Variants in ALYREF observed in about 807,000 individuals in gnomAD.
ALYREF encodes THO complex subunit 4.
Under a neutral mutation model 25.2 loss-of-function variants are expected in ALYREF, and 1 was observed. The ratio of observed to expected loss-of-function variants is 0.04; its 90% CI spans 0.01 to 0.19. The LOEUF (loss-of-function observed/expected upper bound fraction) is 0.19. Ranked by LOEUF, ALYREF falls within the 10% of genes least tolerant of loss-of-function variation. ALYREF has a pLI of 1.00. For missense variants in ALYREF, 328 were observed against 375.6 expected (o/e 0.87, Z 1.05); for synonymous variants, 193 against 153.5 (o/e 1.26, Z -1.90).
Position 81,888,960 on chromosome 17 carries a change from G to A in ALYREF, c.538+222C>T. 1 of 1,418,552 alleles carries A rather than the reference G, an allele frequency of 7.0e-7. No individual in the cohort carries two copies. The highest frequency in any genetic ancestry group is 9.2e-7 in the Non-Finnish European group (1 of 1,088,666). 87.9% of individuals were successfully genotyped at this position (1,418,552 alleles called of 1,614,324 possible). On this transcript the variant is annotated intron_variant, in intron 3 of 5. Transcript: ENST00000505490. The surrounding 1 kb of genome is among the most constrained non-coding windows in gnomAD (Gnocchi z 5.8). ...CTTCACAGAAGTGAATCTTCCGGAA[G>A]GAGCTGAAGGAGGGGAGGGATGTAG...
At chr17:81,891,246 C>G (rs2039521930) in intron 1 of ALYREF, 77 bp downstream of exon 1, 1 of 1,041,414 alleles carries the variant, frequency 9.6e-7, no homozygotes, top group Non-Finnish European at 1.2e-6. Flanking sequence ...CGGCCCGGGT[C>G]TCCGCCGCGA....
chr17:81,891,341 T>A lies in ALYREF; in HGVS notation c.240A>T (p.Arg80=). The A allele has an allele frequency of 8.6e-7, 1 of 1,158,318 alleles. No homozygotes were observed. 71.8% of individuals were successfully genotyped at this position (1,158,318 alleles called of 1,614,324 possible). A position where few individuals can be genotyped will look rare whatever the true frequency, so the allele number is the denominator to read the frequency against. ...RGAAGGGGRN[R]PAPYSRPKQL... is the part of the protein sequence containing the mutation. ...CACTCACCCTGCTGTAGGGCGCCGGTCGGTTCCTGCCGCCTCCGCCGGCCG... is the reference window on the plus strand; with the variant it reads ...CACTCACCCTGCTGTAGGGCGCCGGACGGTTCCTGCCGCCTCCGCCGGCCG... Residue 80 remains arginine, a synonymous_variant, in exon 1 of 6, where the codon CGA becomes CGT. Coordinates refer to ENST00000505490, the MANE Select transcript of ALYREF (RefSeq NM_005782.4).
intron 2 of ALYREF, chr17:81,889,716 C>CT (rs754337072): frequency 5.0e-6 from 1 of 198,814 alleles, no homozygotes; most frequent in African/African-American, 2.3e-5. Context: ...ATCAGACCAG[C>CT]TTGAAGGGCC....
chr17:81,888,647 C>G lies in ALYREF; in HGVS notation c.539-64G>C. On this transcript the variant is annotated intron_variant, in intron 3 of 5. Coordinates refer to ENST00000505490, the MANE Select transcript of ALYREF (RefSeq NM_005782.4). The surrounding 1 kb of genome is among the most constrained non-coding windows in gnomAD (Gnocchi z 5.8). ...GGCTCTGAAACCCACCCAGCTGGCG[C>G]CACACCCTGGTCTCCATGCAAACAC... 1.3e-6 allele frequency: 2 copies of G among 1,548,050 alleles called. No homozygotes were observed. Among genetic ancestry groups the G allele is most frequent in the Non-Finnish European group, 1.7e-6 (2 of 1,143,198 alleles).
At chr17:81,890,449 G>A (rs1025994433) in intron 2 of ALYREF, among the ~76,000 whole-genome samples, 3 of 152,160 alleles carry the variant, frequency 2.0e-5, no homozygotes, top group African/African-American at 4.8e-5. Flanking sequence ...GCCCTGGCAG[G>A]GGATTTTCAC....
Position 81,888,345 on chromosome 17 carries a change from T to C in ALYREF, c.676A>G (p.Thr226Ala), listed in dbSNP as rs745890069. 3 of 1,604,256 alleles carry C rather than the reference T, an allele frequency of 1.9e-6. No homozygotes were observed. Among genetic ancestry groups the C allele is most frequent in the East Asian group, 2.2e-5 (1 of 44,812 alleles). Residue 226 changes from threonine (T) to alanine (A), a missense_variant, in exon 5 of 6, where the codon ACC becomes GCC. Around this residue, in one of 3 missense-constraint regions of ALYREF, gnomAD observed 108 missense variants for 110.5 expected, o/e 0.98. Transcript: ENST00000505490. This position sits in a 1 kb window ranked among gnomAD's most constrained non-coding sequence, Gnocchi z 5.8. ...CCTCTTCCACGGGCGCCTCCGCGGG[T>C]GCCTCTCCGGGTGCCTCCACCACCA... Reference protein sequence around the residue: ...FGGGGGTRRGTRGGARGRGRG... With the variant: ...FGGGGGTRRGARGGARGRGRG...
At chr17:81,889,435 T>C in intron 2 of ALYREF, 106 bp from the exon 3 acceptor site, 2 of 1,327,352 alleles carry the variant, frequency 1.5e-6, no homozygotes, top group East Asian at 2.3e-5. Context: ...GGTGGTTCTC[T>C]GGGAGGCAGG....
rs1388416518 is a variant in ALYREF at position 81,891,389 on chromosome 17, G to A, written c.192C>T (p.Asn64=). The change falls in exon 1 of 6, where the codon AAC becomes AAT. Residue 64 remains asparagine, a synonymous_variant. Coordinates refer to ENST00000505490, the MANE Select transcript of ALYREF (RefSeq NM_005782.4). ...CCGCGCCGCGGGCGATGGCCGGCCGGTTCCGGATGGGCCCGCCGCCTCGAT... is the reference window on the plus strand; with the variant it reads ...CCGCGCCGCGGGCGATGGCCGGCCGATTCCGGATGGGCCCGCCGCCTCGAT... The part of the protein sequence containing the change: ...RVNRGGGPIR[N]RPAIARGAAG... 9.0e-6 allele frequency: 10 copies of A among 1,108,780 alleles called. No homozygotes were observed. The highest frequency in any genetic ancestry group is 1.1e-5 in the Non-Finnish European group (10 of 909,894). 68.7% of individuals were successfully genotyped at this position (1,108,780 alleles called of 1,614,324 possible). A position where few individuals can be genotyped will look rare whatever the true frequency, so the allele number is the denominator to read the frequency against.
Position 81,887,953 on chromosome 17 carries a change from A to C in ALYREF, c.*178T>G, listed in dbSNP as rs556404891. 14 of 765,870 alleles carry C rather than the reference A, an allele frequency of 1.8e-5. No homozygotes were observed. The East Asian group carries it at 3.1e-4, about 17-fold the overall frequency. The allele number at this position is 765,870 out of a possible 1,614,324, so 47.4% of individuals were successfully genotyped here. The stretch of plus-strand genomic sequence containing the variant: ...ACTCGGTACAAAACAGGTCTGTTTC[A>C]GAATTAAAAAAAAAAAAAAAGAAAA... On this transcript the variant is annotated 3_prime_UTR_variant, in exon 6 of 6. Transcript: ENST00000505490.
In ALYREF at chr17:81,890,548, G is replaced by A. The variant is rs147248879; in HGVS notation, c.390+141C>T. 1,873 of 1,282,622 alleles carry A rather than the reference G, an allele frequency of 1.5e-3. 5 individuals carry two copies. The highest frequency in any genetic ancestry group is 3.6e-3 in the Admixed American group (147 of 40,708). 79.5% of individuals were successfully genotyped at this position (1,282,622 alleles called of 1,614,324 possible). On this transcript the variant is annotated intron_variant, in intron 2 of 5. Transcript: ENST00000505490. ...CTGCGCACTGACCCCGGCTTTACTA[G>A]CACTGGGTCTGTCCTGCAGCCCTTC...
Position 81,888,981 on chromosome 17 carries a change from T to C in ALYREF, c.538+201A>G. 1 of 1,424,186 alleles carries C rather than the reference T, an allele frequency of 7.0e-7. No homozygotes were observed. The highest frequency in any genetic ancestry group is 9.2e-7 in the Non-Finnish European group (1 of 1,091,098). The allele number at this position is 1,424,186 out of a possible 1,614,324, so 88.2% of individuals were successfully genotyped here. A position where few individuals can be genotyped will look rare whatever the true frequency, so the allele number is the denominator to read the frequency against. On this transcript the variant is annotated intron_variant, in intron 3 of 5. Coordinates refer to ENST00000505490, the MANE Select transcript of ALYREF (RefSeq NM_005782.4). This position sits in a 1 kb window ranked among gnomAD's most constrained non-coding sequence, Gnocchi z 5.8. ...GGAAGGAGCTGAAGGAGGGGAGGGA[T>C]GTAGCTTGCTGGATGGGGGTTCACA... is the stretch of plus-strand genomic sequence containing the variant.
At chr17:81,890,215 G>C (rs944428271) in intron 2 of ALYREF, among the ~76,000 whole-genome samples, 5 of 152,098 alleles carry the variant, frequency 3.3e-5, no homozygotes, top group Admixed American at 3.3e-4. Context: ...CACGGCGGTG[G>C]GGAGTGATAA....
At position 81,888,910 on chromosome 17, in the gene ALYREF, G is replaced by T. The variant is rs142460219; in HGVS notation, c.538+272C>A. The T allele has an allele frequency of 1.4e-6, 2 of 1,411,142 alleles. No individual in the cohort carries two copies. The highest frequency in any genetic ancestry group is 1.4e-5 in the African/African-American group (1 of 69,380). 87.4% of individuals were successfully genotyped at this position (1,411,142 alleles called of 1,614,324 possible). ...TACGACTACAGCCCCGCACTCAGAG[G>T]TGTACTATGGCGGTTCTGAGAAGGC... On this transcript the variant is annotated intron_variant, in intron 3 of 5. Coordinates refer to ENST00000505490, the MANE Select transcript of ALYREF (RefSeq NM_005782.4). This position sits in a 1 kb window ranked among gnomAD's most constrained non-coding sequence, Gnocchi z 5.8.
Position 81,888,850 on chromosome 17 carries a change from G to C in ALYREF, c.539-267C>G. On this transcript the variant is annotated intron_variant, in intron 3 of 5. Transcript: ENST00000505490. The surrounding 1 kb of genome is among the most constrained non-coding windows in gnomAD (Gnocchi z 5.8). ...GGTGCTCGTGGGTGGAGAGGTGTGG[G>C]TGACCTGACGAAGAAGAACCGGTAC... The C allele has an allele frequency of 7.1e-7, 1 of 1,413,320 alleles. No homozygotes were observed. Among genetic ancestry groups the C allele is most frequent in the Non-Finnish European group, 9.2e-7 (1 of 1,086,150 alleles). The allele number at this position is 1,413,320 out of a possible 1,614,324, so 87.5% of individuals were successfully genotyped here. A position where few individuals can be genotyped will look rare whatever the true frequency, so the allele number is the denominator to read the frequency against.
At position 81,888,333 on chromosome 17, in the gene ALYREF, C is replaced by A; in HGVS notation, c.688G>T (p.Ala230Ser). Residue 230 changes from alanine to serine, a missense_variant, in exon 5 of 6, where the codon GCC becomes TCC. Transcript: ENST00000505490. The surrounding 1 kb of genome is among the most constrained non-coding windows in gnomAD (Gnocchi z 5.8). The stretch of plus-strand genomic sequence containing the variant: ...CCGGCACCTCTGCCTCTTCCACGGG[C>A]GCCTCCGCGGGTGCCTCTCCGGGTG... ...GGTRRGTRGG[A>S]RGRGRGAGRN... The A allele has an allele frequency of 6.2e-7, 1 of 1,605,770 alleles. No homozygotes were observed. The highest frequency in any genetic ancestry group is 8.5e-7 in the Non-Finnish European group (1 of 1,179,080).
intron 2 of ALYREF, among the ~76,000 whole-genome samples, chr17:81,890,157 G>C (rs746078731): frequency 6.6e-6 from 1 of 151,924 alleles, no homozygotes; most frequent in Non-Finnish European, 1.5e-5. Flanking sequence ...TTTTAAAAAA[G>C]AAAAGCTTCA....
At chr17:81,890,609 G>A (rs1217504317) in intron 2 of ALYREF, 80 bp downstream of exon 2, 5 of 1,572,566 alleles carry the variant, frequency 3.2e-6, no homozygotes, top group South Asian at 1.1e-5. Context: ...AGGCGGGAAG[G>A]GGACTCAGGG....
chr17:81,890,502 C>T (rs1318458492), intron 2 of ALYREF, among the ~76,000 whole-genome samples, 187 bp downstream of exon 2: 1 of 152,218 alleles, frequency 6.6e-6, no homozygotes, highest in African/African-American at 2.4e-5. Flanking sequence ...GTTCCTCAGG[C>T]TCAGCTAGGC....
chr17:81,891,209 G>T, intron 1 of ALYREF, 114 bp downstream of exon 1: 1 of 889,800 alleles, frequency 1.1e-6, no homozygotes, highest in Non-Finnish European at 1.4e-6. Flanking sequence ...CCTCCGGGCG[G>T]CCGCTCCACC....
Sources: allele counts gnomAD v4.1 joint callset (sites outside exome capture counted in the v4.1 genomes callset), GRCh38; gene constraint gnomAD v4.1.1; regional missense constraint gnomAD v4.1.1; non-coding constraint Gnocchi (gnomAD v3.1); transcripts MANE v1.5; gene names NCBI Gene and HGNC (gene_info 2026-07-23, HGNC 2026-07-21).